FRMPD4: variants seen among roughly 807,000 people sequenced by gnomAD.
The protein encoded by FRMPD4 is FERM and PDZ domain-containing protein 4.
In FRMPD4, 22 loss-of-function variants were observed where a neutral mutation model predicts 94.1. That is an observed-to-expected ratio of 0.23 (90% CI 0.17 to 0.33). The LOEUF is 0.33. FRMPD4 is among the 10% of genes least tolerant of loss of function. The pLI, the probability that FRMPD4 is intolerant of heterozygous loss-of-function variation, is 1.00. For missense variants in FRMPD4, 1,111 were observed against 1,339.9 expected (o/e 0.83, Z 2.67); for synonymous variants, 631 against 548.6 (o/e 1.15, Z -2.10).
rs992819890 is a variant in FRMPD4 at position 12,721,789 on chromosome X, A to T, written c.5220A>T (p.Arg1740=). The change falls in exon 17 of 17, where the codon CGA becomes CGT. Residue 1740 remains arginine (R), a synonymous_variant. Transcript: ENST00000675598. ...ACCCTAATGTTGGACTCTCGGCGCG[A>T]CACTCAACCACCATGGCCGCTCTCG... ...PGDPNVGLSA[R]HSTTMAALVS... 2.7e-6 allele frequency: 2 copies of T among 752,307 alleles called. No homozygotes were observed. The highest frequency in any genetic ancestry group is 3.1e-6 in the Non-Finnish European group (2 of 635,721). The allele number at this position is 752,307 out of a possible 1,213,427, so 62.0% of individuals were successfully genotyped here.
chrX:11,913,252 C>A (rs1463891660), intron 3 of FRMPD4, among the ~76,000 whole-genome samples: 1 of 112,159 alleles, frequency 8.9e-6, no homozygotes, highest in East Asian at 2.8e-4. Flanking sequence ...CCGGCATGTC[C>A]CATGATTGTG....
At chrX:12,694,199 T>G in intron 8 of FRMPD4, 136 bp from the exon 9 acceptor site, 1 of 466,213 alleles carries the variant, frequency 2.1e-6, no homozygotes, top group Non-Finnish European at 3.7e-6. Context: ...TTTCAGGGAA[T>G]GAGTATCTAT....
chrX:11,824,099 C>T (rs1005480226), intron 1 of FRMPD4, among the ~76,000 whole-genome samples: 5 of 111,528 alleles, frequency 4.5e-5, no homozygotes, highest in Non-Finnish European at 9.4e-5. Flanking sequence ...ACTATTCTTT[C>T]GTCTTAATCA....
intron 1 of FRMPD4, among the ~76,000 whole-genome samples, chrX:11,848,955 C>T (rs1033407613): frequency 9.0e-5 from 10 of 111,104 alleles, no homozygotes; most frequent in South Asian, 3.7e-4. Flanking sequence ...AGTCCTAGTC[C>T]GAGCAATAAA....
intron 3 of FRMPD4, among the ~76,000 whole-genome samples, chrX:12,100,194 A>G (rs1020490023): frequency 2.7e-5 from 3 of 112,118 alleles, no homozygotes; most frequent in African/African-American, 9.7e-5. Flanking sequence ...ACTTAAACCT[A>G]ATCTTAGATA....
chrX:11,869,729 GA>G (rs2053745315), intron 2 of FRMPD4, among the ~76,000 whole-genome samples: 1 of 111,878 alleles, frequency 8.9e-6, no homozygotes, highest in South Asian at 3.7e-4. Flanking sequence ...CATCACAGGA[GA>G]AAAACTCTGG....
intron 3 of FRMPD4, among the ~76,000 whole-genome samples, chrX:11,950,527 T>C (rs759686632): frequency 1.8e-5 from 2 of 111,885 alleles, no homozygotes; most frequent in African/African-American, 6.5e-5. Context: ...TCATTCTACG[T>C]AACTGAAACT....
chrX:11,975,947 C>A (rs746967037), intron 3 of FRMPD4, among the ~76,000 whole-genome samples: 124 of 112,279 alleles, frequency 1.1e-3, no homozygotes, highest in Admixed American at 3.8e-4. Context: ...AGTATCCTAC[C>A]TGTTACAGAC....
rs148740345 is a variant in FRMPD4, at chrX:12,643,142, GT to G, written c.422+28274del. ...TTAGGAAGTAGATTCAAATAATTCA[GT>G]TTTTTTTTTTTTGAGATGGAATCTC... On this transcript the variant is annotated intron_variant, in intron 4 of 16. Transcript: ENST00000675598. Among the ~76,000 whole-genome samples the G allele has an allele frequency of 5.9e-3, 609 of 102,748 alleles. 4 individuals carry two copies. Among genetic ancestry groups the G allele is most frequent in the Non-Finnish European group, 8.9e-3 (448 of 50,073 alleles). The allele number at this position is 102,748 out of a possible 115,157, so 89.2% of individuals were successfully genotyped here.
chrX:12,195,762 G>A (rs748854823), intron 1 of FRMPD4, among the ~76,000 whole-genome samples: 104 of 111,926 alleles, frequency 9.3e-4, no homozygotes, highest in Middle Eastern at 4.6e-3. Flanking sequence ...GAAGATAATA[G>A]CTCAGTCCTG....
intron 1 of FRMPD4, among the ~76,000 whole-genome samples, chrX:12,170,784 G>A (rs1390941029): frequency 4.4e-5 from 5 of 112,860 alleles, no homozygotes; most frequent in African/African-American, 1.6e-4. Context: ...AGGATCTAAT[G>A]TGAACTCTGG....
chrX:12,485,715 C>A (rs1053222149), intron 1 of FRMPD4, among the ~76,000 whole-genome samples: 1 of 110,510 alleles, frequency 9.0e-6, no homozygotes, highest in Non-Finnish European at 1.9e-5. Context: ...TTGAGACCAG[C>A]CTGGCCAACA....
intron 3 of FRMPD4, among the ~76,000 whole-genome samples, chrX:11,974,981 C>T (rs2054359614): frequency 9.0e-6 from 1 of 111,589 alleles, no homozygotes; most frequent in African/African-American, 3.3e-5. Flanking sequence ...GCAAAGAGTT[C>T]CTGAGGATTT....
chrX:11,917,886 T>TAAA (rs72064228), intron 3 of FRMPD4, among the ~76,000 whole-genome samples: 1 of 86,236 alleles, frequency 1.2e-5, no homozygotes, highest in Non-Finnish European at 2.4e-5. Context: ...CCCGTGAATC[T>TAAA]AAAAAAAAAA....
At position 12,148,856 on chromosome X, in the gene FRMPD4, A is replaced by G. The variant is rs779573617; in HGVS notation, c.41+9844A>G. On this transcript the variant is annotated intron_variant, in intron 1 of 16. Transcript: ENST00000675598. Reference sequence around the variant, plus strand: ...ACTCTACTCTGCTTGTGCTCTAGGAATGGAACCACAAAGCCTGGATGACAG... The same window carrying G: ...ACTCTACTCTGCTTGTGCTCTAGGAGTGGAACCACAAAGCCTGGATGACAG... Among the ~76,000 whole-genome samples the G allele has an allele frequency of 1.8e-4, 20 of 112,146 alleles. No homozygotes were observed. In the South Asian group the frequency reaches 6.7e-3, roughly 37 times the overall value.
chrX:12,220,676 T>C (rs949714857), intron 1 of FRMPD4, among the ~76,000 whole-genome samples: 4 of 112,079 alleles, frequency 3.6e-5, no homozygotes, highest in Non-Finnish European at 1.9e-5. Context: ...GTGGTTAACA[T>C]ATAATATTTT....
rs1284009250 is a variant in FRMPD4, at chrX:11,890,368, G to A, written c.95+12350G>A. Among the ~76,000 whole-genome samples the A allele has an allele frequency of 2.7e-5, 3 of 111,013 alleles. No individual in the cohort carries two copies. In the East Asian group the frequency reaches 8.5e-4, roughly 31 times the overall value. The stretch of plus-strand genomic sequence containing the variant: ...TAAATCAGAATCTGCCTTTCCCAAG[G>A]TTCCCAGGAGCTCTGAATGCACATT... On this transcript the variant is annotated intron_variant, in intron 3 of 18. Coordinates refer to the FRMPD4 transcript ENST00000640291.
intron 3 of FRMPD4, among the ~76,000 whole-genome samples, chrX:12,020,727 CTGCAGTA>C (rs1225833169): frequency 1.8e-5 from 2 of 111,771 alleles, no homozygotes; most frequent in Non-Finnish European, 3.8e-5. Context: ...ATAGAGAGCC[CTGCAGTA>C]TGCATCCATT....
chrX:11,847,243 A>C (rs1601801002), intron 1 of FRMPD4, among the ~76,000 whole-genome samples: 1 of 110,578 alleles, frequency 9.0e-6, no homozygotes, highest in African/African-American at 3.3e-5. Context: ...ACACGTCTCA[A>C]AAGAAGACAT....
Sources: allele counts gnomAD v4.1 joint callset (sites outside exome capture counted in the v4.1 genomes callset), GRCh38; gene constraint gnomAD v4.1.1; transcripts MANE v1.5; gene names NCBI Gene and HGNC (gene_info 2026-07-23, HGNC 2026-07-21).